GBP7: variants seen among roughly 807,000 people sequenced by gnomAD.
The protein encoded by GBP7 is guanylate binding protein 7, also known as guanylate-binding protein 7.
Under a neutral mutation model 61.3 loss-of-function variants are expected in GBP7, and 43 were observed. That is an observed-to-expected ratio of 0.70 (90% CI 0.55 to 0.91). The LOEUF (loss-of-function observed/expected upper bound fraction) is 0.91, where lower values mean the gene tolerates loss of function less well. Among genes scored for constraint, GBP7 ranks in the 40% least tolerant of loss-of-function variants. GBP7 has a pLI of 0.00. For missense variants in GBP7, 717 were observed against 740.5 expected (o/e 0.97, Z 0.37); for synonymous variants, 267 against 271.0 (o/e 0.99, Z 0.14).
At chr1:89,147,903 GAGTC>G (rs1221426518) in intron 7 of GBP7, 124 bp from the exon 8 acceptor site, 1 of 912,840 alleles carries the variant, frequency 1.1e-6, no homozygotes, top group African/African-American at 1.7e-5. Context: ...TGTAGACTAA[GAGTC>G]AGAAGACTTG....
intron 3 of GBP7, among the ~76,000 whole-genome samples, chr1:89,163,696 A>T (rs1288311030): frequency 1.3e-5 from 2 of 152,206 alleles, no homozygotes; most frequent in Non-Finnish European, 2.9e-5. Flanking sequence ...AAGCAAAATT[A>T]TCTAGAATTA....
At chr1:89,172,077 C>T (rs1647619134) in intron 1 of GBP7, 123 bp from the exon 2 acceptor site, 1 of 678,766 alleles carries the variant, frequency 1.5e-6, no homozygotes. Context: ...TCTAAGGAGA[C>T]CTGTGGCCCT....
At chr1:89,147,457 G>C in intron 8 of GBP7, 110 bp downstream of exon 8, 1 of 783,158 alleles carries the variant, frequency 1.3e-6, no homozygotes, top group Non-Finnish European at 2.2e-6. Context: ...GTATTGCCAT[G>C]CTTCAATTTT....
At chr1:89,151,519 A>G (rs889519836) in intron 5 of GBP7, among the ~76,000 whole-genome samples, 3 of 152,268 alleles carry the variant, frequency 2.0e-5, no homozygotes, top group Non-Finnish European at 2.9e-5. Flanking sequence ...TGTGACATAT[A>G]TCAGTTATTC....
chr1:89,162,405 A>C (rs1647299555), intron 3 of GBP7, among the ~76,000 whole-genome samples: 1 of 152,164 alleles, frequency 6.6e-6, no homozygotes, highest in Non-Finnish European at 1.5e-5. Context: ...CTGTCTCTCC[A>C]TGAGGAAGGA....
chr1:89,140,301 G>T (rs1681905178), intron 9 of GBP7, among the ~76,000 whole-genome samples: 1 of 101,924 alleles, frequency 9.8e-6, no homozygotes, highest in East Asian at 3.5e-4. Flanking sequence ...GGGGTGGGGG[G>T]AGGGGGGAGG....
intron 8 of GBP7, among the ~76,000 whole-genome samples, chr1:89,142,544 C>G (rs1681977932): frequency 6.6e-6 from 1 of 152,166 alleles, no homozygotes; most frequent in Non-Finnish European, 1.5e-5. Flanking sequence ...AGCCACTGTA[C>G]CTGGCCTGAG....
At chr1:89,133,193 G>T in intron 10 of GBP7, 65 bp downstream of exon 10, 2 of 1,191,412 alleles carry the variant, frequency 1.7e-6, no homozygotes, top group Non-Finnish European at 1.2e-6. Context: ...TTAAAATTTT[G>T]GCTCTTCCCT....
At chr1:89,142,958 C>T (rs1681987302) in intron 8 of GBP7, among the ~76,000 whole-genome samples, 2 of 152,096 alleles carry the variant, frequency 1.3e-5, no homozygotes, top group Admixed American at 1.3e-4. Context: ...TGTTGATGGA[C>T]ATTAGGGTAA....
At position 89,152,680 on chromosome 1, in the gene GBP7, A is replaced by G; in HGVS notation, c.416T>C (p.Leu139Pro). ...NSMGTINHQA[L>P]EQLHYVTELT... ...CCTGGAAGGATACTGCAGCTGCTCC[A>G]GGGCCTGGTGGTTGATGGTGCCCAT... Residue 139 changes from leucine (L) to proline (P), a missense_variant, in exon 4 of 11, where the codon CTG (leucine) becomes CCG (proline). Coordinates refer to ENST00000294671, the MANE Select transcript of GBP7 (RefSeq NM_207398.3). 6.2e-7 allele frequency: 1 copy of G among 1,612,572 alleles called. No individual in the cohort carries two copies. The highest frequency in any genetic ancestry group is 1.1e-5 in the South Asian group (1 of 90,978).
intron 3 of GBP7, among the ~76,000 whole-genome samples, chr1:89,162,468 A>C (rs1389866199): frequency 6.6e-6 from 1 of 152,164 alleles, no homozygotes; most frequent in African/African-American, 2.4e-5. Flanking sequence ...AGTGGTTTGT[A>C]GTTCTCCTTG....
intron 9 of GBP7, among the ~76,000 whole-genome samples, chr1:89,138,943 C>A (rs1216236047): frequency 6.6e-6 from 1 of 152,044 alleles, no homozygotes; most frequent in Non-Finnish European, 1.5e-5. Flanking sequence ...TGAAAAAAGT[C>A]TAATATCCAG....
At chr1:89,134,043 C>T (rs556475618) in intron 9 of GBP7, among the ~76,000 whole-genome samples, 2 of 152,282 alleles carry the variant, frequency 1.3e-5, no homozygotes, top group East Asian at 3.9e-4. Context: ...GGTCTGAGCA[C>T]CTCCCAGTCT....
chr1:89,147,594 A>G lies in GBP7; in HGVS notation c.1338T>C (p.Tyr446=), dbSNP rs1682098007. The G allele has an allele frequency of 6.2e-7, 1 of 1,613,748 alleles. No homozygotes were observed. The highest frequency in any genetic ancestry group is 1.7e-5 in the Admixed American group (1 of 60,004). Residue 446 remains tyrosine, a synonymous_variant, in exon 8 of 11, where the codon TAT becomes TAC. Transcript: ENST00000294671. ...TAACTCCTTTTCTGGGCACTAGTGT[A>G]TAGTCCTGTTCAATCTTCTTTTTTG... The part of the protein sequence containing the change: ...LEAKKKIEQD[Y]TLVPRKGVKA...
intron 8 of GBP7, among the ~76,000 whole-genome samples, chr1:89,143,988 G>A (rs1682011657): frequency 6.6e-6 from 1 of 152,168 alleles, no homozygotes; most frequent in Non-Finnish European, 1.5e-5. Context: ...GATAGTGAAT[G>A]TAGAACCCCA....
chr1:89,140,296 G>A (rs1200068308), intron 9 of GBP7, among the ~76,000 whole-genome samples: 3 of 118,540 alleles, frequency 2.5e-5, no homozygotes, highest in Admixed American at 1.8e-4. Context: ...GTTGTGGGGT[G>A]GGGGGAGGGG....
chr1:89,143,833 C>T (rs1333615920), intron 8 of GBP7, among the ~76,000 whole-genome samples: 1 of 152,200 alleles, frequency 6.6e-6, no homozygotes, highest in East Asian at 1.9e-4. Context: ...CGAGGCCCCA[C>T]CTCCAGCACT....
chr1:89,145,676 A>G (rs1490159238), intron 8 of GBP7, among the ~76,000 whole-genome samples: 2 of 152,226 alleles, frequency 1.3e-5, no homozygotes, highest in Non-Finnish European at 2.9e-5. Context: ...ATTTCTATGC[A>G]CTAAGAACAA....
intron 7 of GBP7, among the ~76,000 whole-genome samples, chr1:89,148,115 T>C (rs1296612125): frequency 6.6e-6 from 1 of 152,196 alleles, no homozygotes; most frequent in Non-Finnish European, 1.5e-5. Flanking sequence ...AATCAACCCT[T>C]CTGGATAATC....
Sources: allele counts gnomAD v4.1 joint callset (sites outside exome capture counted in the v4.1 genomes callset), GRCh38; gene constraint gnomAD v4.1.1; transcripts MANE v1.5; gene names NCBI Gene and HGNC (gene_info 2026-07-23, HGNC 2026-07-21).